Variants in SPOCK1 observed in about 807,000 individuals in gnomAD.
SPOCK1 encodes SPARC (osteonectin), cwcv and kazal like domains proteoglycan 1, also known as testican-1.
SPOCK1 carries 23 observed loss-of-function variants against 55.3 expected under a neutral mutation model. That is an observed-to-expected ratio of 0.42 (90% CI 0.30 to 0.59). The LOEUF is 0.59. SPOCK1 is among the 20% of genes least tolerant of loss of function. SPOCK1 has a pLI of 0.22. For synonymous variants in SPOCK1, 226 were observed against 221.0 expected, an observed-to-expected ratio of 1.02 and a Z score of -0.20; for missense variants, 499 against 552.5, an observed-to-expected ratio of 0.90 and a Z score of 0.97.
At chr5:137,492,634 G>A (rs1485681209) in intron 2 of SPOCK1, among the ~76,000 whole-genome samples, 5 of 152,172 alleles carry the variant, frequency 3.3e-5, no homozygotes, top group Non-Finnish European at 7.3e-5. Flanking sequence ...ATGAGTCAGT[G>A]GCCCAGAGAT....
chr5:137,410,934 C>T (rs1294328989), intron 2 of SPOCK1, among the ~76,000 whole-genome samples: 1 of 152,240 alleles, frequency 6.6e-6, no homozygotes, highest in Non-Finnish European at 1.5e-5. Context: ...CAGATGAGCA[C>T]ATCAAGTTTG....
rs193273103 is a variant in SPOCK1 at position 137,497,041 on chromosome 5, C to T, written c.186+1332G>A. On this transcript the variant is annotated intron_variant, in intron 2 of 10. Coordinates refer to ENST00000394945, the MANE Select transcript of SPOCK1 (RefSeq NM_004598.4). ...CCACACAAAGCTATGAGTGCATCTC[C>T]TCTGGACAGGGATCTGGAGAGGGTG... is the stretch of plus-strand genomic sequence containing the variant. Among the ~76,000 whole-genome samples the T allele has an allele frequency of 3.3e-3, 497 of 152,288 alleles. 9 individuals are homozygous for T. Among genetic ancestry groups the T allele is most frequent in the Admixed American group, 0.03 (452 of 15,300 alleles).
At chr5:137,024,804 A>G (rs1751640188) in intron 6 of SPOCK1, among the ~76,000 whole-genome samples, 1 of 152,118 alleles carries the variant, frequency 6.6e-6, no homozygotes, top group Admixed American at 6.5e-5. Context: ...AAGAGACAAC[A>G]CTCCCATGTT....
At chr5:137,135,741 C>A (rs1439552844) in intron 4 of SPOCK1, among the ~76,000 whole-genome samples, 1 of 152,182 alleles carries the variant, frequency 6.6e-6, no homozygotes, top group Non-Finnish European at 1.5e-5. Context: ...AGTATCTCCC[C>A]CTTTTTGTGG....
chr5:137,102,567 T>C (rs926745580), intron 5 of SPOCK1, among the ~76,000 whole-genome samples: 6 of 152,210 alleles, frequency 3.9e-5, no homozygotes, highest in African/African-American at 1.4e-4. Context: ...GGTTGAGTCA[T>C]GTTTCTGTCA....
At chr5:137,159,942 C>T (rs1347899534) in intron 3 of SPOCK1, among the ~76,000 whole-genome samples, 3 of 152,090 alleles carry the variant, frequency 2.0e-5, no homozygotes, top group Admixed American at 6.6e-5. Context: ...TTTTCTTTAC[C>T]TTGGTGAACA....
intron 2 of SPOCK1, among the ~76,000 whole-genome samples, chr5:137,370,399 C>T (rs955526775): frequency 1.3e-5 from 2 of 152,188 alleles, no homozygotes; most frequent in Admixed American, 6.5e-5. Flanking sequence ...AGAATAAATG[C>T]TAATAAGGCT....
intron 4 of SPOCK1, among the ~76,000 whole-genome samples, chr5:137,128,426 C>G (rs1328642142): frequency 6.6e-6 from 1 of 152,196 alleles, no homozygotes; most frequent in African/African-American, 2.4e-5. Context: ...GGATTGTTCC[C>G]CCATCTGATT....
intron 6 of SPOCK1, among the ~76,000 whole-genome samples, chr5:137,011,100 T>TA (rs1751338708): frequency 6.6e-6 from 1 of 152,190 alleles, no homozygotes; most frequent in African/African-American, 2.4e-5. Flanking sequence ...ATCCAGCCAA[T>TA]AGCGCAGGCA....
chr5:137,316,136 T>C (rs772598221), intron 2 of SPOCK1, among the ~76,000 whole-genome samples: 7 of 152,216 alleles, frequency 4.6e-5, no homozygotes, highest in Admixed American at 3.3e-4. Context: ...CAAGGAGGGA[T>C]GTACCGTCCA....
chr5:137,372,305 C>T (rs1303833180), intron 2 of SPOCK1, among the ~76,000 whole-genome samples: 2 of 152,220 alleles, frequency 1.3e-5, no homozygotes, highest in East Asian at 3.8e-4. Context: ...TTCAGTGTCT[C>T]ATTTGCTGAA....
intron 5 of SPOCK1, among the ~76,000 whole-genome samples, chr5:137,101,655 T>C (rs139682770): frequency 2.6e-5 from 4 of 152,366 alleles, no homozygotes; most frequent in Admixed American, 6.5e-5. Flanking sequence ...GTAAATTCTG[T>C]GGATGTATTT....
chr5:137,172,829 A>T (rs1754779246), intron 3 of SPOCK1, among the ~76,000 whole-genome samples: 1 of 152,144 alleles, frequency 6.6e-6, no homozygotes, highest in South Asian at 2.1e-4. Context: ...TTGGGGGTAC[A>T]AAGCTTATAA....
At chr5:137,016,681 AC>A (rs939124397) in intron 6 of SPOCK1, among the ~76,000 whole-genome samples, 3 of 152,338 alleles carry the variant, frequency 2.0e-5, no homozygotes, top group Admixed American at 1.3e-4. Context: ...ATTTTTCTAG[AC>A]TTCCGGAAGG....
chr5:137,374,289 G>A (rs1751265335), intron 2 of SPOCK1, among the ~76,000 whole-genome samples: 2 of 152,272 alleles, frequency 1.3e-5, no homozygotes, highest in Admixed American at 6.5e-5. Context: ...CTGGATTCAC[G>A]CCACAAGGAC....
At chr5:137,146,613 T>C (rs1160972992) in intron 3 of SPOCK1, among the ~76,000 whole-genome samples, 1 of 152,216 alleles carries the variant, frequency 6.6e-6, no homozygotes, top group Non-Finnish European at 1.5e-5. Context: ...TATTGCAGCT[T>C]GTCTGTCCCC....
At chr5:137,252,408 G>A (rs536368886) in intron 3 of SPOCK1, among the ~76,000 whole-genome samples, 1 of 152,328 alleles carries the variant, frequency 6.6e-6, no homozygotes. Context: ...GTGGATGGCA[G>A]TCATGATCAC....
intron 6 of SPOCK1, among the ~76,000 whole-genome samples, chr5:137,042,346 TA>T (rs1752015327): frequency 6.6e-6 from 1 of 152,164 alleles, no homozygotes; most frequent in South Asian, 2.1e-4. Flanking sequence ...AGAATATTTT[TA>T]GAGTAATAAA....
At chr5:137,346,274 G>T (rs896794052) in intron 2 of SPOCK1, among the ~76,000 whole-genome samples, 5 of 152,162 alleles carry the variant, frequency 3.3e-5, no homozygotes, top group African/African-American at 1.2e-4. Context: ...CTCATGAGCT[G>T]GGCACCTGGA....
Sources: allele counts gnomAD v4.1 joint callset (sites outside exome capture counted in the v4.1 genomes callset), GRCh38; gene constraint gnomAD v4.1.1; transcripts MANE v1.5; gene names NCBI Gene and HGNC (gene_info 2026-07-23, HGNC 2026-07-21).